Variants in MYH9 observed in about 807,000 individuals in gnomAD.
MYH9 encodes the protein myosin heavy chain 9.
In MYH9, 29 loss-of-function variants were observed where a neutral mutation model predicts 241.9. That is an observed-to-expected ratio of 0.12 (90% CI 0.09 to 0.16). The LOEUF (loss-of-function observed/expected upper bound fraction) is 0.16. Among genes scored for constraint, MYH9 ranks in the 10% least tolerant of loss-of-function variants. The pLI is 1.00. For missense variants in MYH9, 1,803 were observed against 2,595.5 expected, an observed-to-expected ratio of 0.69 and a Z score of 6.63; for synonymous variants, 1,047 against 1,062.6, an observed-to-expected ratio of 0.99 and a Z score of 0.29.
At chr22:36,378,370 T>C (rs914896725) in intron 1 of MYH9, among the ~76,000 whole-genome samples, 2 of 152,254 alleles carry the variant, frequency 1.3e-5, no homozygotes, top group South Asian at 2.1e-4. Flanking sequence ...ACGGTGCAGA[T>C]GGGAAAACTA....
chr22:36,367,755 C>T (rs776495953), intron 1 of MYH9, among the ~76,000 whole-genome samples: 3 of 152,330 alleles, frequency 2.0e-5, no homozygotes, highest in East Asian at 3.9e-4. Context: ...GTGGCCAAAG[C>T]TGTGGCTGCA....
In MYH9 at chr22:36,281,803, G is replaced by A. The variant is rs552087920; in HGVS notation, c.*865C>T. 3 of 231,628 alleles carry A rather than the reference G, an allele frequency of 1.3e-5. No homozygotes were observed. Among genetic ancestry groups the A allele is most frequent in the South Asian group, 3.6e-4 (2 of 5,512 alleles). 14.3% of individuals were successfully genotyped at this position (231,628 alleles called of 1,614,324 possible). A position where few individuals can be genotyped will look rare whatever the true frequency, so the allele number is the denominator to read the frequency against. On this transcript the variant is annotated 3_prime_UTR_variant, in exon 41 of 41. Transcript: ENST00000216181. ...TCCTAGAGTAGACACAAGATCGCCT[G>A]GGAGGGCCGCTGGCCCCTCTAACGC...
rs1187379791 is a variant in MYH9, at chr22:36,285,847, C to T, written c.5150+18G>A. ...ACACACCTGGTCCCCCCCAACTCTG[C>T]CCCCTCACTCAGCTCACCCTTTGCC... On this transcript the variant is annotated intron_variant, in intron 36 of 40. Transcript: ENST00000216181. The surrounding 1 kb of genome is among the most constrained non-coding windows in gnomAD (Gnocchi z 7.0). 1.2e-6 allele frequency: 2 copies of T among 1,613,624 alleles called. No individual in the cohort carries two copies. Among genetic ancestry groups the T allele is most frequent in the Non-Finnish European group, 8.5e-7 (1 of 1,179,956 alleles).
At chr22:36,387,140 C>T (rs367735309) in intron 1 of MYH9, among the ~76,000 whole-genome samples, 7 of 152,342 alleles carry the variant, frequency 4.6e-5, no homozygotes, top group East Asian at 1.9e-4. Context: ...CGCCGGGTCC[C>T]CCTTGTCCGG....
intron 18 of MYH9, among the ~76,000 whole-genome samples, chr22:36,304,746 G>A (rs1314870637): frequency 2.6e-5 from 4 of 152,226 alleles, no homozygotes; most frequent in South Asian, 2.1e-4. Flanking sequence ...AAGAAAGCAG[G>A]AGAATGTCCC....
Position 36,282,746 on chromosome 22 carries a change from G to A in MYH9, c.5805C>T (p.Ala1935=), listed in dbSNP as rs2146325441. 6.2e-7 allele frequency: 1 copy of A among 1,613,504 alleles called. No homozygotes were observed. The highest frequency in any genetic ancestry group is 2.2e-5 in the East Asian group (1 of 44,892). ...CGGAGCCATCCCCGGCGCCTTTCCG[G>A]GCCATTCGGCGGGGCACGACAAACG... ...DLPFVVPRRM[A]RKGAGDGSDE... Residue 1935 remains alanine (A), a synonymous_variant, in exon 41 of 41, where the codon GCC becomes GCT. Transcript: ENST00000216181.
intron 27 of MYH9, 116 bp from the exon 28 acceptor site, chr22:36,294,414 G>A (rs2016757573): frequency 2.7e-6 from 3 of 1,122,278 alleles, no homozygotes; most frequent in Non-Finnish European, 3.9e-6. Context: ...TGACGACGGT[G>A]TGCCTGCGTC....
chr22:36,327,608 G>C, intron 3 of MYH9, 120 bp from the exon 4 acceptor site: 1 of 1,197,322 alleles, frequency 8.4e-7, no homozygotes, highest in Non-Finnish European at 1.2e-6. Flanking sequence ...TGTCTTTGTG[G>C]GGATCTCGCA....
At chr22:36,379,810 G>A (rs1312104201) in intron 1 of MYH9, among the ~76,000 whole-genome samples, 1 of 152,228 alleles carries the variant, frequency 6.6e-6, no homozygotes, top group Non-Finnish European at 1.5e-5. Context: ...GGGACTCCCA[G>A]CTGCTCCAGC....
At chr22:36,283,327 A>G (rs1293323906) in intron 40 of MYH9, among the ~76,000 whole-genome samples, 2 of 152,106 alleles carry the variant, frequency 1.3e-5, no homozygotes, top group East Asian at 1.9e-4. Context: ...ACCTGAGGTC[A>G]GGAGTTTGAG....
chr22:36,309,277 C>T lies in MYH9; in HGVS notation c.1843+5G>A, dbSNP rs774197881. The T allele has an allele frequency of 5.0e-6, 8 of 1,612,268 alleles. No homozygotes were observed. The highest frequency in any genetic ancestry group is 2.2e-5 in the East Asian group (1 of 44,892). On this transcript the variant is annotated splice_donor_5th_base_variant and intron_variant, in intron 15 of 40. Transcript: ENST00000216181. ...GAGGCAGGGGGCGAAGGGCAAAGGG[C>T]GTACCATCCTTCCACAGCTCCGAGA... is the stretch of plus-strand genomic sequence containing the variant.
chr22:36,342,483 A>C (rs981588099), intron 2 of MYH9, among the ~76,000 whole-genome samples: 2 of 152,132 alleles, frequency 1.3e-5, no homozygotes, highest in African/African-American at 4.8e-5. Context: ...CAGTTTACAC[A>C]CATCTGTCCT....
At chr22:36,317,859 AAGG>A (rs963260325) in intron 11 of MYH9, among the ~76,000 whole-genome samples, 4 of 152,272 alleles carry the variant, frequency 2.6e-5, no homozygotes, top group African/African-American at 9.6e-5. Flanking sequence ...CTGGCACCAG[AAGG>A]AGTTCAGCTA....
rs778358497 is a variant in MYH9 at position 36,314,350 on chromosome 22, G to A, written c.1381-32C>T. ...GGAGAGAAAACAATGTCAGAGAGAC[G>A]CCAACCCTGCACTAAAGAGGCCCAG... On this transcript the variant is annotated intron_variant, in intron 12 of 40. Transcript: ENST00000216181. 19 of 1,612,410 alleles carry A rather than the reference G, an allele frequency of 1.2e-5. No individual in the cohort carries two copies. The East Asian group carries it at 1.6e-4, about 13-fold the overall frequency.
chr22:36,285,907 C>T lies in MYH9; in HGVS notation c.5108G>A (p.Arg1703Gln), dbSNP rs754714910. The T allele has an allele frequency of 1.2e-5, 20 of 1,613,108 alleles. No individual in the cohort carries two copies. The highest frequency in any genetic ancestry group is 6.7e-5 in the East Asian group (3 of 44,896). The change falls in exon 36 of 41, where the codon CGG becomes CAG. Residue 1703 changes from arginine to glutamine, a missense_variant. Transcript: ENST00000216181. This position sits in a 1 kb window ranked among gnomAD's most constrained non-coding sequence, Gnocchi z 7.0. Reference sequence around the variant, plus strand: ...GGCGATCTCGTCAGCCAGCTCATCCCGCTCCTGCTGGGCCTGGCGCTTGGC... The same window carrying T: ...GGCGATCTCGTCAGCCAGCTCATCCTGCTCCTGCTGGGCCTGGCGCTTGGC... ...ERAKRQAQQE[R>Q]DELADEIANS...
chr22:36,322,404 G>T, intron 6 of MYH9, 25 bp downstream of exon 6: 1 of 1,611,956 alleles, frequency 6.2e-7, no homozygotes, highest in Non-Finnish European at 8.5e-7. Flanking sequence ...TGTCCCCAGA[G>T]CCGGGGCGCC....
chr22:36,353,068 TG>T (rs1259940754), intron 1 of MYH9, among the ~76,000 whole-genome samples: 17 of 152,008 alleles, frequency 1.1e-4, no homozygotes, highest in East Asian at 7.8e-4. Flanking sequence ...GCAGCAGAGC[TG>T]CTGTTTCCAC....
chr22:36,366,802 G>A (rs1477230771), intron 1 of MYH9, among the ~76,000 whole-genome samples: 1 of 152,168 alleles, frequency 6.6e-6, no homozygotes, highest in Non-Finnish European at 1.5e-5. Flanking sequence ...GGGAGGGGAA[G>A]GCCACTGTGC....
chr22:36,372,978 A>T (rs936448478), intron 1 of MYH9, among the ~76,000 whole-genome samples: 1 of 152,078 alleles, frequency 6.6e-6, no homozygotes, highest in African/African-American at 2.4e-5. Flanking sequence ...GAGCAAAGGC[A>T]GCCCTTGCAT....
Sources: gnomAD v4.1 joint callset for allele counts (sites outside exome capture counted in the v4.1 genomes callset) on GRCh38, gnomAD v4.1.1 for gene constraint, Gnocchi (gnomAD v3.1) non-coding constraint, MANE v1.5 for transcripts, NCBI Gene and HGNC (gene_info 2026-07-23, HGNC 2026-07-21) for gene names.